MAP2K4: variants seen among roughly 807,000 people sequenced by gnomAD.
The protein encoded by MAP2K4 is mitogen-activated protein kinase kinase 4.
Under a neutral mutation model 48.5 loss-of-function variants are expected in MAP2K4, and 4 were observed. That is an observed-to-expected ratio of 0.08 (90% CI 0.04 to 0.19). MAP2K4 has a LOEUF of 0.19. MAP2K4 is among the 10% of genes least tolerant of loss of function. MAP2K4 has a pLI of 1.00. For synonymous variants in MAP2K4, 166 were observed against 173.1 expected (o/e 0.96, Z 0.32); for missense variants, 258 against 493.3 (o/e 0.52, Z 4.52).
chr17:12,078,983 A>T (rs181253796), intron 2 of MAP2K4, among the ~76,000 whole-genome samples: 1 of 152,278 alleles, frequency 6.6e-6, no homozygotes, highest in East Asian at 1.9e-4. Context: ...TAACTGTGGC[A>T]TGTTTTTCTG....
intron 7 of MAP2K4, among the ~76,000 whole-genome samples, chr17:12,119,587 A>G (rs1346253991): frequency 6.6e-6 from 1 of 152,256 alleles, no homozygotes; most frequent in African/African-American, 2.4e-5. Flanking sequence ...GTGATTCCTC[A>G]AAAAGCTAAA....
At chr17:12,024,989 A>G (rs1969211332) in intron 1 of MAP2K4, among the ~76,000 whole-genome samples, 1 of 152,362 alleles carries the variant, frequency 6.6e-6, no homozygotes, top group South Asian at 2.1e-4. Flanking sequence ...ATGTTAGAGA[A>G]TAGCATATTC....
At chr17:12,101,123 C>T (rs546865940) in intron 4 of MAP2K4, among the ~76,000 whole-genome samples, 1 of 152,156 alleles carries the variant, frequency 6.6e-6, no homozygotes, top group South Asian at 2.1e-4. Flanking sequence ...TATAAGAGCT[C>T]TTGTCTAACT....
chr17:12,093,471 A>G (rs1026568123), intron 3 of MAP2K4, among the ~76,000 whole-genome samples: 3 of 152,172 alleles, frequency 2.0e-5, no homozygotes, highest in African/African-American at 4.8e-5. Context: ...TCAGTTATTG[A>G]TGATAACTGT....
At chr17:12,038,089 A>G (rs954478445) in intron 1 of MAP2K4, among the ~76,000 whole-genome samples, 3 of 152,160 alleles carry the variant, frequency 2.0e-5, no homozygotes, top group Non-Finnish European at 4.4e-5. Flanking sequence ...ATGCCACTTG[A>G]ACTTTACTAC....
chr17:12,134,333 C>T (rs971245221), intron 9 of MAP2K4, among the ~76,000 whole-genome samples: 2 of 151,424 alleles, frequency 1.3e-5, no homozygotes, highest in Non-Finnish European at 2.9e-5. Context: ...TAAAATGTCA[C>T]AGAAAAAAAA....
intron 8 of MAP2K4, among the ~76,000 whole-genome samples, chr17:12,125,846 A>G (rs1972835036): frequency 6.6e-6 from 1 of 152,232 alleles, no homozygotes; most frequent in Admixed American, 6.5e-5. Flanking sequence ...TAGTAAAATC[A>G]CAAGTGAATG....
At chr17:12,047,594 G>A (rs1023395345) in intron 1 of MAP2K4, among the ~76,000 whole-genome samples, 2 of 152,192 alleles carry the variant, frequency 1.3e-5, no homozygotes, top group Non-Finnish European at 2.9e-5. Context: ...ATAGGAATAA[G>A]ATTTTTATGG....
intron 4 of MAP2K4, among the ~76,000 whole-genome samples, chr17:12,103,912 TA>T (rs1972025343): frequency 6.6e-6 from 1 of 152,204 alleles, no homozygotes; most frequent in Non-Finnish European, 1.5e-5. Flanking sequence ...TTTATTTTTT[TA>T]GAAATAATCA....
At position 12,110,636 on chromosome 17, in the gene MAP2K4, T is replaced by A. The variant is rs577195900; in HGVS notation, c.685+210T>A. 1.0e-4 allele frequency: 49 copies of A among 491,302 alleles called. No individual in the cohort carries two copies. In the South Asian group the frequency reaches 1.5e-3, roughly 15 times the overall value. 30.4% of individuals were successfully genotyped at this position (491,302 alleles called of 1,614,324 possible). A position where few individuals can be genotyped will look rare whatever the true frequency, so the allele number is the denominator to read the frequency against. On this transcript the variant is annotated intron_variant, in intron 6 of 10. Transcript: ENST00000353533. ...TTCAGTCTATCTTAGTATGTTGGAC[T>A]TAGAAACTGAAATAGATTTTGCTGC...
At chr17:12,111,550 A>G (rs1972305603) in intron 6 of MAP2K4, among the ~76,000 whole-genome samples, 1 of 149,960 alleles carries the variant, frequency 6.7e-6, no homozygotes. Flanking sequence ...GAGGCATTTG[A>G]TAGTTACCTT....
intron 9 of MAP2K4, among the ~76,000 whole-genome samples, chr17:12,135,058 A>C (rs954494928): frequency 6.6e-6 from 1 of 151,948 alleles, no homozygotes; most frequent in Admixed American, 6.6e-5. Flanking sequence ...ATGTGCCACT[A>C]CACCTGGCTA....
chr17:12,082,112 T>G, intron 3 of MAP2K4: 1 of 304,124 alleles, frequency 3.3e-6, no homozygotes, highest in Non-Finnish European at 7.2e-6. Context: ...CATTTTGTCC[T>G]TATTGTGTCG....
At chr17:12,112,148 A>G (rs1244135862) in intron 6 of MAP2K4, among the ~76,000 whole-genome samples, 1 of 152,188 alleles carries the variant, frequency 6.6e-6, no homozygotes, top group East Asian at 1.9e-4. Flanking sequence ...AGATACTTCA[A>G]TAAAACACAG....
intron 8 of MAP2K4, among the ~76,000 whole-genome samples, chr17:12,128,388 T>C (rs1231063893): frequency 6.6e-6 from 1 of 152,032 alleles, no homozygotes; most frequent in Non-Finnish European, 1.5e-5. Context: ...AATTGGTAGG[T>C]TTTCATTATT....
chr17:12,099,162 T>G (rs1971853935), intron 4 of MAP2K4, among the ~76,000 whole-genome samples: 1 of 152,032 alleles, frequency 6.6e-6, no homozygotes, highest in African/African-American at 2.4e-5. Context: ...GTCTTTCTGT[T>G]TCTGGTTTGT....
chr17:12,141,098 T>A, intron 10 of MAP2K4, 49 bp from the exon 11 acceptor site: 2 of 1,123,734 alleles, frequency 1.8e-6, no homozygotes, highest in Non-Finnish European at 2.7e-6. Flanking sequence ...ATGTTCAGTT[T>A]GGGCTGTCAT....
At chr17:12,029,215 C>G in intron 1 of MAP2K4, among the ~76,000 whole-genome samples, 2 of 151,744 alleles carry the variant, frequency 1.3e-5, no homozygotes, top group Middle Eastern at 3.4e-3. Context: ...GTAGGAGATA[C>G]GTAGAGAGAA....
chr17:12,053,863 C>T (rs1456688672), intron 1 of MAP2K4, among the ~76,000 whole-genome samples: 4 of 152,060 alleles, frequency 2.6e-5, no homozygotes, highest in African/African-American at 9.7e-5. Context: ...TCCTCATCCA[C>T]TGAGGTCAGA....
Sources: allele counts gnomAD v4.1 joint callset (sites outside exome capture counted in the v4.1 genomes callset), GRCh38; gene constraint gnomAD v4.1.1; transcripts MANE v1.5; gene names NCBI Gene and HGNC (gene_info 2026-07-23, HGNC 2026-07-21).